The following NPTXR variants were observed in gnomAD, a reference collection of about 807,000 sequenced individuals.
The protein encoded by NPTXR is neuronal pentraxin receptor.
NPTXR carries 12 observed loss-of-function variants against 32.2 expected under a neutral mutation model. The observed-to-expected ratio is 0.37, with a 90% CI of 0.24 to 0.60. NPTXR has a LOEUF of 0.60. Among genes scored for constraint, NPTXR ranks in the 20% least tolerant of loss-of-function variants. The probability of loss-of-function intolerance (pLI) is 0.66; values close to 1 mark genes in which losing one functional copy is unlikely to be tolerated. For missense variants in NPTXR, 612 were observed against 682.9 expected, an observed-to-expected ratio of 0.90 and a Z score of 1.16; for synonymous variants, 323 against 315.8, an observed-to-expected ratio of 1.02 and a Z score of -0.24.
rs547994040 is a variant in NPTXR at position 38,822,439 on chromosome 22, G to A, written c.*170C>T. 20 of 629,386 alleles carry A rather than the reference G, an allele frequency of 3.2e-5. No individual in the cohort carries two copies. Among genetic ancestry groups the A allele is most frequent in the South Asian group, 2.1e-4 (11 of 53,302 alleles). 39.0% of individuals were successfully genotyped at this position (629,386 alleles called of 1,614,324 possible). A position where few individuals can be genotyped will look rare whatever the true frequency, so the allele number is the denominator to read the frequency against. ...TCAGGTGGGGACAGGGGACACACTC[G>A]CAGGGCAGGGCATTCTGGAGGTGTG... On this transcript the variant is annotated 3_prime_UTR_variant, in exon 5 of 5. Transcript: ENST00000333039.
chr22:38,839,736 A>AAAAC (rs879927017), intron 1 of NPTXR, among the ~76,000 whole-genome samples: 1 of 152,226 alleles, frequency 6.6e-6, no homozygotes, highest in Non-Finnish European at 1.5e-5. Flanking sequence ...AACAGACTTA[A>AAAAC]AAACAAACAA....
rs1158229144 is a variant in NPTXR at position 38,820,372 on chromosome 22, C to G, written c.*2237G>C. The G allele has an allele frequency of 6.6e-6, 1 of 152,534 alleles. No homozygotes were observed. Among genetic ancestry groups the G allele is most frequent in the African/African-American group, 2.4e-5 (1 of 41,398 alleles). The allele number at this position is 152,534 out of a possible 1,614,324, so 9.4% of individuals were successfully genotyped here. A position where few individuals can be genotyped will look rare whatever the true frequency, so the allele number is the denominator to read the frequency against. On this transcript the variant is annotated 3_prime_UTR_variant, in exon 5 of 5. Transcript: ENST00000333039. ...TTGGAGTAGCTTCCATGGCACTGAG[C>G]CCCCCGGCCTGCAGCTCTTGCATCA...
chr22:38,838,407 T>C (rs2093127216), intron 1 of NPTXR, among the ~76,000 whole-genome samples: 1 of 151,958 alleles, frequency 6.6e-6, no homozygotes, highest in African/African-American at 2.4e-5. Context: ...GTGTTAGTTA[T>C]TATCAGCAGC....
intron 3 of NPTXR, 107 bp downstream of exon 3, chr22:38,826,393 A>T (rs1569327426): frequency 8.2e-6 from 11 of 1,334,410 alleles, no homozygotes; most frequent in Non-Finnish European, 1.1e-5. Flanking sequence ...TGTGCTGAAT[A>T]TGCAGAGCAG....
At position 38,821,374 on chromosome 22, in the gene NPTXR, G is replaced by A. The variant is rs1401200717; in HGVS notation, c.*1235C>T. ...GTTAGTCTGCCTTGAACCTTGCCCT[G>A]GACTCTGAGTCTCTGCTGACCCTAA... On this transcript the variant is annotated 3_prime_UTR_variant, in exon 5 of 5. Transcript: ENST00000333039. 1.3e-5 allele frequency: 2 copies of A among 152,318 alleles called. No individual in the cohort carries two copies. The highest frequency in any genetic ancestry group is 2.9e-5 in the Non-Finnish European group (2 of 68,134). The allele number at this position is 152,318 out of a possible 1,614,324, so 9.4% of individuals were successfully genotyped here. A position where few individuals can be genotyped will look rare whatever the true frequency, so the allele number is the denominator to read the frequency against.
Position 38,836,950 on chromosome 22 carries a change from G to A in NPTXR, c.624+6285C>T, listed in dbSNP as rs867628927. On this transcript the variant is annotated intron_variant, in intron 1 of 4. Coordinates refer to ENST00000333039, the MANE Select transcript of NPTXR (RefSeq NM_014293.4). Reference sequence around the variant, plus strand: ...CTGCCTCAGCCTCCCGAGTAGCTGGGACTATAGGTGCCCGCCACCATGCCC... The same window carrying A: ...CTGCCTCAGCCTCCCGAGTAGCTGGAACTATAGGTGCCCGCCACCATGCCC... 5.3e-5 allele frequency among the ~76,000 whole-genome samples: 8 copies of A among 152,102 alleles called. No individual in the cohort carries two copies. The South Asian group carries it at 8.3e-4, about 16-fold the overall frequency.
At chr22:38,839,437 G>C (rs1299097058) in intron 1 of NPTXR, among the ~76,000 whole-genome samples, 1 of 152,168 alleles carries the variant, frequency 6.6e-6, no homozygotes, top group African/African-American at 2.4e-5. Context: ...CTGAGGTCAG[G>C]AGTTTGAGAC....
At position 38,843,318 on chromosome 22, in the gene NPTXR, C is replaced by G; in HGVS notation, c.541G>C (p.Asp181His). 1 of 1,427,084 alleles carries G rather than the reference C, an allele frequency of 7.0e-7. No homozygotes were observed. The highest frequency in any genetic ancestry group is 3.1e-5 in the East Asian group (1 of 32,568). The allele number at this position is 1,427,084 out of a possible 1,614,324, so 88.4% of individuals were successfully genotyped here. A position where few individuals can be genotyped will look rare whatever the true frequency, so the allele number is the denominator to read the frequency against. Residue 181 changes from aspartate to histidine, a missense_variant, in exon 1 of 5, where the codon GAC becomes CAC. Physicochemically the swap from Asp to His is moderately conservative, Grantham distance 81 (BLOSUM62 -1). Transcript: ENST00000333039. This position sits in a 1 kb window ranked among gnomAD's most constrained non-coding sequence, Gnocchi z 5.3. The stretch of plus-strand genomic sequence containing the variant: ...AGCGCAGGCGAGTCCCAGGGCCCGT[C>G]GGCCATGGTGTCGCGGCGGGGCCCG...
chr22:38,836,581 T>C (rs1191218143), intron 1 of NPTXR, among the ~76,000 whole-genome samples: 2 of 152,202 alleles, frequency 1.3e-5, no homozygotes, highest in Admixed American at 6.5e-5. Flanking sequence ...GGAGCCAGAA[T>C]AGCCGTTGCC....
At chr22:38,829,536 C>T (rs547610542) in intron 1 of NPTXR, among the ~76,000 whole-genome samples, 194 of 152,314 alleles carry the variant, frequency 1.3e-3, no homozygotes, top group Middle Eastern at 6.8e-3. Flanking sequence ...ATTCAATGAG[C>T]TGCTAGGAGC....
chr22:38,821,670 C>T lies in NPTXR; in HGVS notation c.*939G>A, dbSNP rs1447226367. ...TCCCTCTCACCCAGTGCTCTGCTCA[C>T]TGCTTCATGCTTCTCCCCACCCTCT... On this transcript the variant is annotated 3_prime_UTR_variant, in exon 5 of 5. Coordinates refer to ENST00000333039, the MANE Select transcript of NPTXR (RefSeq NM_014293.4). The T allele has an allele frequency of 6.5e-6, 1 of 153,068 alleles. No individual in the cohort carries two copies. Among genetic ancestry groups the T allele is most frequent in the East Asian group, 1.9e-4 (1 of 5,226 alleles). 9.5% of individuals were successfully genotyped at this position (153,068 alleles called of 1,614,324 possible).
At chr22:38,838,573 ATTTTTT>A (rs139377592) in intron 1 of NPTXR, among the ~76,000 whole-genome samples, 2 of 83,204 alleles carry the variant, frequency 2.4e-5, no homozygotes, top group Admixed American at 1.3e-4. Flanking sequence ...TCACCTGGCT[ATTTTTT>A]TTTTTTTTTT....
At chr22:38,828,903 A>T (rs1297251950) in intron 1 of NPTXR, among the ~76,000 whole-genome samples, 1 of 152,230 alleles carries the variant, frequency 6.6e-6, no homozygotes, top group Non-Finnish European at 1.5e-5. Flanking sequence ...AAAGGGGCGG[A>T]CCATCTTAGT....
rs749066113 is a variant in NPTXR at position 38,822,698 on chromosome 22, C to T, written c.1414G>A (p.Val472Ile). The change falls in exon 5 of 5, where the codon GTC becomes ATC. Residue 472 changes from valine to isoleucine, a missense_variant. Coordinates refer to ENST00000333039, the MANE Select transcript of NPTXR (RefSeq NM_014293.4). The stretch of plus-strand genomic sequence containing the variant: ...ACCAACTTGTCTTCCCAGGGAAGGA[C>T]GTTGCCCAGCAGTGGCGCAGTGCAG... The T allele has an allele frequency of 9.3e-6, 15 of 1,614,046 alleles. No individual in the cohort carries two copies. Among genetic ancestry groups the T allele is most frequent in the Middle Eastern group, 1.6e-4 (1 of 6,080 alleles).
intron 1 of NPTXR, among the ~76,000 whole-genome samples, chr22:38,840,794 G>C (rs2093130674): frequency 6.6e-6 from 1 of 152,068 alleles, no homozygotes; most frequent in Admixed American, 6.5e-5. Context: ...GGGAAAGTGA[G>C]GGCCAAGACG....
rs2093094398 is a variant in NPTXR at position 38,820,136 on chromosome 22, T to C, written c.*2473A>G. The C allele has an allele frequency of 6.6e-6, 1 of 152,622 alleles. No homozygotes were observed. Among genetic ancestry groups the C allele is most frequent in the South Asian group, 2.1e-4 (1 of 4,826 alleles). The allele number at this position is 152,622 out of a possible 1,614,324, so 9.5% of individuals were successfully genotyped here. The stretch of plus-strand genomic sequence containing the variant: ...GAAATTGAAGTTCTGAATTCTGCCG[T>C]CACCCCAGCAACAGTGCCAGTATGA... On this transcript the variant is annotated 3_prime_UTR_variant, in exon 5 of 5. Transcript: ENST00000333039.
At position 38,828,222 on chromosome 22, in the gene NPTXR, A is replaced by G; in HGVS notation, c.850+65T>C. The G allele has an allele frequency of 7.3e-6, 10 of 1,375,686 alleles. No individual in the cohort carries two copies. The South Asian group carries it at 1.2e-4, about 16-fold the overall frequency. 85.2% of individuals were successfully genotyped at this position (1,375,686 alleles called of 1,614,324 possible). On this transcript the variant is annotated intron_variant, in intron 2 of 4. Transcript: ENST00000333039. Reference sequence around the variant, plus strand: ...GTTAGCCTCCGGGGAGCATGGATATATTTTTTGAATGGCTCTGTCATCCTG... The same window carrying G: ...GTTAGCCTCCGGGGAGCATGGATATGTTTTTTGAATGGCTCTGTCATCCTG...
chr22:38,835,951 C>A, intron 1 of NPTXR, among the ~76,000 whole-genome samples: 1 of 152,194 alleles, frequency 6.6e-6, no homozygotes, highest in East Asian at 1.9e-4. Flanking sequence ...CCCGGCACCC[C>A]ACCTTCTTCA....
At chr22:38,833,684 C>T (rs368180581) in intron 1 of NPTXR, among the ~76,000 whole-genome samples, 20 of 120,026 alleles carry the variant, frequency 1.7e-4, no homozygotes, top group African/African-American at 5.3e-4. Context: ...GATGGAGTTT[C>T]TTTTTTTTTT....
Sources: gnomAD v4.1 joint callset for allele counts (sites outside exome capture counted in the v4.1 genomes callset) on GRCh38, gnomAD v4.1.1 for gene constraint, Gnocchi (gnomAD v3.1) non-coding constraint, MANE v1.5 for transcripts, NCBI Gene and HGNC (gene_info 2026-07-23, HGNC 2026-07-21) for gene names.